The following LY96 variants were observed in gnomAD, a reference collection of about 807,000 sequenced individuals.
LY96 encodes myeloid differentiation protein-2.
Under a neutral mutation model 18.9 loss-of-function variants are expected in LY96, and 18 were observed. That is an observed-to-expected ratio of 0.95 (90% confidence interval 0.66 to 1.41). The LOEUF (loss-of-function observed/expected upper bound fraction) is 1.41, where lower values mean the gene tolerates loss of function less well. Among genes scored for constraint, LY96 ranks in the 40% most tolerant of loss-of-function variants. The pLI, the probability that LY96 is intolerant of heterozygous loss-of-function variation, is 0.00. For synonymous variants in LY96, 66 were observed against 62.6 expected (o/e 1.06, Z -0.26); for missense variants, 175 against 182.4 (o/e 0.96, Z 0.23).
chr8:74,023,854 T>C lies in LY96; in HGVS notation c.332-2935T>C, dbSNP rs114128949. The stretch of plus-strand genomic sequence containing the variant: ...AAAAGATGAATAGTGAAATTCATAC[T>C]AACAGTTTAAAATGTTCTCTTTATT... On this transcript the variant is annotated intron_variant, in intron 3 of 4. Transcript: ENST00000284818. 2.9e-3 allele frequency among the ~76,000 whole-genome samples: 435 copies of C among 152,340 alleles called. 2 individuals are homozygous for C. Among genetic ancestry groups the C allele is most frequent in the African/African-American group, 9.2e-3 (381 of 41,580 alleles).
chr8:73,996,103 C>T (rs1816120406), intron 1 of LY96, among the ~76,000 whole-genome samples: 1 of 152,160 alleles, frequency 6.6e-6, no homozygotes, highest in Non-Finnish European at 1.5e-5. Context: ...GAGGTCAAGG[C>T]TGCAGTGAGC....
chr8:74,094,210 T>C, the LY96 span, among the ~76,000 whole-genome samples: 1 of 152,008 alleles, frequency 6.6e-6, no homozygotes, highest in Admixed American at 6.6e-5. Flanking sequence ...TGGCAAGTTG[T>C]TTGAATATAC....
intron 1 of LY96, among the ~76,000 whole-genome samples, chr8:73,992,882 G>A (rs1383759655): frequency 6.6e-6 from 1 of 150,538 alleles, no homozygotes; most frequent in African/African-American, 2.5e-5. Flanking sequence ...GTGTGACAGA[G>A]TTTTGCTCTG....
chr8:74,064,656 G>A, the LY96 span, among the ~76,000 whole-genome samples: 4 of 152,096 alleles, frequency 2.6e-5, no homozygotes, highest in African/African-American at 9.7e-5. Context: ...AGATGGTGGT[G>A]CCAGGCTTCC....
chr8:74,077,149 C>T, the LY96 span, among the ~76,000 whole-genome samples: 1 of 152,172 alleles, frequency 6.6e-6, no homozygotes, highest in Non-Finnish European at 1.5e-5. Flanking sequence ...TCTCTTCTCT[C>T]TCTGGGCACA....
chr8:74,007,528 A>G (rs16938759), intron 2 of LY96, among the ~76,000 whole-genome samples: 37,099 of 152,036 alleles, frequency 0.24, 5,792 homozygotes, highest in African/African-American at 0.44. Context: ...CCTCATTTCT[A>G]CTTGAATTCA....
intron 1 of LY96, among the ~76,000 whole-genome samples, chr8:74,001,898 T>C (rs1270324697): frequency 1.3e-5 from 2 of 152,002 alleles, no homozygotes; most frequent in African/African-American, 2.4e-5. Context: ...ATTTCCATTA[T>C]TTCCATTTTC....
the LY96 span, among the ~76,000 whole-genome samples, chr8:74,088,744 C>G: frequency 9.2e-5 from 14 of 152,130 alleles, no homozygotes; most frequent in Admixed American, 4.6e-4. Context: ...TACCACTACA[C>G]CTGGTTAATT....
the LY96 span, among the ~76,000 whole-genome samples, chr8:74,061,031 T>C: frequency 6.6e-6 from 1 of 152,246 alleles, no homozygotes; most frequent in Non-Finnish European, 1.5e-5. Context: ...TATAATGCTA[T>C]GTAATTTTTC....
At chr8:74,052,362 T>C in the LY96 span, 2 of 152,252 alleles carry the variant, frequency 1.3e-5, no homozygotes, top group Admixed American at 1.3e-4. Flanking sequence ...GGCTGTAACC[T>C]TTAGCTTCCC....
At chr8:74,084,110 G>A in the LY96 span, among the ~76,000 whole-genome samples, 1 of 151,576 alleles carries the variant, frequency 6.6e-6, no homozygotes, top group African/African-American at 2.4e-5. Context: ...GGATTTTGCT[G>A]ATTGCTTCCT....
At chr8:74,005,339 A>G (rs1234929041) in intron 2 of LY96, among the ~76,000 whole-genome samples, 1 of 152,230 alleles carries the variant, frequency 6.6e-6, no homozygotes, top group African/African-American at 2.4e-5. Flanking sequence ...ACAATCTTAT[A>G]TAGCATAATC....
At chr8:74,054,837 T>A in the LY96 span, among the ~76,000 whole-genome samples, 186 of 151,646 alleles carry the variant, frequency 1.2e-3, 3 homozygotes, top group African/African-American at 4.1e-3. Context: ...TTAATTTTTT[T>A]AAAAATTGTT....
chr8:74,065,522 A>G, the LY96 span, among the ~76,000 whole-genome samples: 1 of 152,228 alleles, frequency 6.6e-6, no homozygotes, highest in Non-Finnish European at 1.5e-5. Flanking sequence ...TTATGCAAAC[A>G]TGAGTAGTTG....
chr8:74,060,985 G>A, the LY96 span, among the ~76,000 whole-genome samples: 1 of 152,148 alleles, frequency 6.6e-6, no homozygotes, highest in Non-Finnish European at 1.5e-5. Context: ...ATACCTTCGT[G>A]TCCTGGAGAA....
intron 1 of LY96, among the ~76,000 whole-genome samples, chr8:73,993,948 A>T (rs1816066752): frequency 6.6e-6 from 1 of 152,062 alleles, no homozygotes; most frequent in Admixed American, 6.5e-5. Flanking sequence ...CATTGCTGTG[A>T]AACCATCACC....
At chr8:74,097,360 G>A in the LY96 span, among the ~76,000 whole-genome samples, 1 of 152,192 alleles carries the variant, frequency 6.6e-6, no homozygotes, top group African/African-American at 2.4e-5. Flanking sequence ...AATAGCAACA[G>A]TACCTGTATC....
At chr8:74,004,993 A>G (rs11466001) in intron 2 of LY96, 108 bp downstream of exon 2, 342,816 of 1,155,526 alleles carry the variant, frequency 0.3, 52,456 homozygotes, top group South Asian at 0.32. Context: ...TTGCTACGTA[A>G]CAAATTACCA....
At chr8:74,097,791 G>A in the LY96 span, among the ~76,000 whole-genome samples, 1 of 152,160 alleles carries the variant, frequency 6.6e-6, no homozygotes, top group Admixed American at 6.5e-5. Flanking sequence ...TACTCAAAGT[G>A]TGGTCTTCAG....
Sources: gnomAD v4.1 joint callset for allele counts (sites outside exome capture counted in the v4.1 genomes callset) on GRCh38, gnomAD v4.1.1 for gene constraint, MANE v1.5 for transcripts, NCBI Gene and HGNC (gene_info 2026-07-23, HGNC 2026-07-21) for gene names.